BANK1: variants seen among roughly 807,000 people sequenced by gnomAD.
BANK1 encodes B cell scaffold protein with ankyrin repeats 1.
A neutral mutation model predicts 94.5 loss-of-function variants in BANK1; 95 were observed. The observed-to-expected ratio is 1.00, with a 90% CI of 0.85 to 1.19. The LOEUF is 1.19. BANK1 is among the 50% of genes most tolerant of loss of function. The pLI is 0.00. For synonymous variants in BANK1, 334 were observed against 308.4 expected (o/e 1.08, Z -0.87); for missense variants, 987 against 932.2 (o/e 1.06, Z -0.77).
chr4:101,858,280 G>C (rs1419658127), intron 3 of BANK1, among the ~76,000 whole-genome samples: 1 of 152,136 alleles, frequency 6.6e-6, no homozygotes, highest in Non-Finnish European at 1.5e-5. Context: ...CATTTAGTGG[G>C]TAGAACTCTG....
intron 2 of BANK1, among the ~76,000 whole-genome samples, chr4:101,832,310 T>G (rs1726652763): frequency 6.6e-6 from 1 of 152,222 alleles, no homozygotes; most frequent in African/African-American, 2.4e-5. Flanking sequence ...TGCTTTCTTA[T>G]TTTTGTTTGT....
At chr4:102,047,373 ACT>A (rs1458431375) in intron 11 of BANK1, among the ~76,000 whole-genome samples, 3 of 151,748 alleles carry the variant, frequency 2.0e-5, no homozygotes, top group Admixed American at 1.3e-4. Context: ...CATGCAAAAA[ACT>A]CTTTATTTGA....
chr4:101,881,730 C>G (rs1467840400), intron 5 of BANK1, among the ~76,000 whole-genome samples: 1 of 152,152 alleles, frequency 6.6e-6, no homozygotes, highest in Non-Finnish European at 1.5e-5. Context: ...GAGTACTATT[C>G]AGCCACAAAA....
intron 9 of BANK1, among the ~76,000 whole-genome samples, chr4:102,029,617 T>C (rs892405606): frequency 2.0e-5 from 3 of 148,674 alleles, no homozygotes; most frequent in African/African-American, 7.3e-5. Flanking sequence ...AAATAATATA[T>C]ATATATTGCT....
intron 7 of BANK1, among the ~76,000 whole-genome samples, chr4:101,925,885 T>G (rs1723136727): frequency 6.6e-6 from 1 of 151,730 alleles, no homozygotes; most frequent in South Asian, 2.1e-4. Flanking sequence ...TTTCAGAGAA[T>G]GCAAAATTAA....
intron 7 of BANK1, among the ~76,000 whole-genome samples, chr4:101,998,317 G>A (rs968927809): frequency 6.6e-6 from 1 of 152,122 alleles, no homozygotes; most frequent in African/African-American, 2.4e-5. Context: ...TTCATTTGCT[G>A]AGGAGTGTTT....
At chr4:101,882,925 T>G (rs1419666450) in intron 5 of BANK1, among the ~76,000 whole-genome samples, 2 of 152,220 alleles carry the variant, frequency 1.3e-5, no homozygotes, top group Non-Finnish European at 2.9e-5. Context: ...CTGTGTATCT[T>G]CCATCACTTT....
chr4:101,889,468 G>C (rs1721766311), intron 5 of BANK1, among the ~76,000 whole-genome samples: 1 of 151,306 alleles, frequency 6.6e-6, no homozygotes, highest in African/African-American at 2.4e-5. Flanking sequence ...CGCGGTGGCG[G>C]GCGCCTGTAG....
intron 11 of BANK1, among the ~76,000 whole-genome samples, chr4:102,051,283 A>G (rs1356445337): frequency 2.0e-5 from 3 of 152,208 alleles, no homozygotes; most frequent in African/African-American, 7.2e-5. Flanking sequence ...TCCATAAAAG[A>G]ATAATGGCCT....
At chr4:101,953,820 A>G (rs1307144873) in intron 7 of BANK1, among the ~76,000 whole-genome samples, 3 of 152,178 alleles carry the variant, frequency 2.0e-5, no homozygotes, top group African/African-American at 7.2e-5. Flanking sequence ...AAGATAGTAC[A>G]TATATTGCAT....
At chr4:102,051,882 A>T (rs1171483085) in intron 11 of BANK1, among the ~76,000 whole-genome samples, 1 of 152,128 alleles carries the variant, frequency 6.6e-6, no homozygotes, top group Admixed American at 6.5e-5. Flanking sequence ...AGTCTGTTAG[A>T]AATTTATGCA....
intron 7 of BANK1, among the ~76,000 whole-genome samples, chr4:101,965,524 T>C (rs1724722707): frequency 6.6e-6 from 1 of 152,130 alleles, no homozygotes. Flanking sequence ...CTGGTTTTAT[T>C]TCTCGTAACC....
At chr4:101,912,434 A>T (rs1184121978) in intron 6 of BANK1, among the ~76,000 whole-genome samples, 1 of 152,124 alleles carries the variant, frequency 6.6e-6, no homozygotes, top group African/African-American at 2.4e-5. Context: ...CAAAGCCGCC[A>T]CAGCATCTGC....
At chr4:102,071,339 T>C in intron 14 of BANK1, 35 bp downstream of exon 14, 1 of 1,591,704 alleles carries the variant, frequency 6.3e-7, no homozygotes, top group Non-Finnish European at 8.6e-7. Flanking sequence ...GATCTAAGAC[T>C]AAAACAAAGT....
At chr4:102,015,538 C>T (rs1026970564) in intron 7 of BANK1, among the ~76,000 whole-genome samples, 1 of 152,162 alleles carries the variant, frequency 6.6e-6, no homozygotes, top group African/African-American at 2.4e-5. Flanking sequence ...TCAAACTTCT[C>T]ATCAAATTGC....
intron 11 of BANK1, among the ~76,000 whole-genome samples, chr4:102,053,575 A>G (rs1362265449): frequency 1.3e-5 from 2 of 152,056 alleles, no homozygotes; most frequent in Non-Finnish European, 2.9e-5. Context: ...TGGATATCCA[A>G]AATTTTAGAG....
intron 5 of BANK1, among the ~76,000 whole-genome samples, chr4:101,889,178 A>G (rs976229713): frequency 3.3e-5 from 5 of 152,156 alleles, no homozygotes; most frequent in African/African-American, 1.2e-4. Context: ...TTTCATCTAA[A>G]TCATCAAACT....
chr4:101,911,282 A>G (rs1722654491), intron 6 of BANK1, among the ~76,000 whole-genome samples: 1 of 152,210 alleles, frequency 6.6e-6, no homozygotes, highest in African/African-American at 2.4e-5. Flanking sequence ...AGGAAACTTT[A>G]CAGGGCAGAT....
chr4:101,934,797 CT>C (rs558655771), intron 7 of BANK1, among the ~76,000 whole-genome samples: 54 of 151,338 alleles, frequency 3.6e-4, no homozygotes, highest in African/African-American at 1.3e-3. Flanking sequence ...TTTCAAAACA[CT>C]TTTACTAGGA....
Sources: allele counts gnomAD v4.1 joint callset (sites outside exome capture counted in the v4.1 genomes callset), GRCh38; gene constraint gnomAD v4.1.1; transcripts MANE v1.5; gene names NCBI Gene and HGNC (gene_info 2026-07-23, HGNC 2026-07-21).